The following GRIK2 variants were observed in gnomAD, a reference collection of about 807,000 sequenced individuals.
GRIK2 encodes the protein glutamate ionotropic receptor kainate type subunit 2, also known as glutamate receptor ionotropic, kainate 2.
Under a neutral mutation model 100.3 loss-of-function variants are expected in GRIK2, and 32 were observed. The ratio of observed to expected loss-of-function variants is 0.32; its 90% CI spans 0.24 to 0.43. The LOEUF is 0.43. Among genes scored for constraint, GRIK2 ranks in the 20% least tolerant of loss-of-function variants. The pLI is 1.00. For synonymous variants in GRIK2, 417 were observed against 389.4 expected (o/e 1.07, Z -0.83); for missense variants, 843 against 1,114.9 (o/e 0.76, Z 3.47).
At chr6:101,849,812 G>GTTTTTTT (rs1562437239) in intron 10 of GRIK2, among the ~76,000 whole-genome samples, 1 of 112,214 alleles carries the variant, frequency 8.9e-6, no homozygotes. Flanking sequence ...AAAAAAGGAG[G>GTTTTTTT]GTTTTTTTTT....
At chr6:101,961,941 T>C (rs1792330355) in intron 14 of GRIK2, among the ~76,000 whole-genome samples, 1 of 152,040 alleles carries the variant, frequency 6.6e-6, no homozygotes, top group Admixed American at 6.6e-5. Context: ...CTACCTCAGC[T>C]TGGGTCTTGA....
At chr6:101,598,325 A>T (rs1339833558) in intron 2 of GRIK2, among the ~76,000 whole-genome samples, 1 of 151,504 alleles carries the variant, frequency 6.6e-6, no homozygotes, top group Non-Finnish European at 1.5e-5. Flanking sequence ...CCTTTGTCTC[A>T]ACTCATCCTG....
rs73502672 is a variant in GRIK2, at chr6:101,441,598, C to T, written c.115+42206C>T. Among the ~76,000 whole-genome samples, 840 of 152,180 alleles carry T rather than the reference C, an allele frequency of 5.5e-3. 10 individuals are homozygous for T. Among genetic ancestry groups the T allele is most frequent in the African/African-American group, 0.019 (770 of 41,528 alleles). ...GATAGACTTTCAAGTCTGGAAAAAGCTTAATGAAGTTAGGAGTCTTTATGG... is the reference window on the plus strand; with the variant it reads ...GATAGACTTTCAAGTCTGGAAAAAGTTTAATGAAGTTAGGAGTCTTTATGG... On this transcript the variant is annotated intron_variant, in intron 2 of 16. Coordinates refer to ENST00000369134, the MANE Select transcript of GRIK2 (RefSeq NM_021956.5).
At chr6:101,595,655 CAT>C (rs145861587) in intron 2 of GRIK2, among the ~76,000 whole-genome samples, 2,506 of 149,464 alleles carry the variant, frequency 0.017, 36 homozygotes, top group Non-Finnish European at 0.026. Context: ...TATATAAACA[CAT>C]ATTTATATAC....
At chr6:101,539,871 C>A (rs946406198) in intron 2 of GRIK2, among the ~76,000 whole-genome samples, 3 of 151,686 alleles carry the variant, frequency 2.0e-5, no homozygotes, top group African/African-American at 7.3e-5. Flanking sequence ...TTAGAAGTTT[C>A]TTCTCATGCC....
intron 11 of GRIK2, among the ~76,000 whole-genome samples, chr6:101,879,285 CT>C (rs1159953627): frequency 3.9e-5 from 6 of 152,054 alleles, no homozygotes; most frequent in Non-Finnish European, 5.9e-5. Context: ...TTTCCCATTG[CT>C]GTTTTAATTC....
At chr6:101,996,949 T>C (rs1488989928) in intron 14 of GRIK2, among the ~76,000 whole-genome samples, 1 of 152,190 alleles carries the variant, frequency 6.6e-6, no homozygotes, top group Non-Finnish European at 1.5e-5. Flanking sequence ...TACTTTCAGT[T>C]ATGTTGTTAT....
intron 2 of GRIK2, among the ~76,000 whole-genome samples, chr6:101,442,384 C>T (rs1192779800): frequency 6.6e-6 from 1 of 152,098 alleles, no homozygotes; most frequent in African/African-American, 2.4e-5. Context: ...GGCTCCTTTC[C>T]CCCTGCAAAC....
chr6:101,541,633 T>C (rs2128288864), intron 2 of GRIK2, among the ~76,000 whole-genome samples: 1 of 152,190 alleles, frequency 6.6e-6, no homozygotes, highest in Middle Eastern at 3.4e-3. Context: ...TTTTGTGTAG[T>C]ACATATTTTG....
Position 101,995,146 on chromosome 6 carries a change from C to T in GRIK2, c.2086-40195C>T, listed in dbSNP as rs182818743. On this transcript the variant is annotated intron_variant, in intron 14 of 16. Transcript: ENST00000369134. The stretch of plus-strand genomic sequence containing the variant: ...ATGAACCCATGGTAGTTCCAAACTA[C>T]TCAGGTTTGACATGCCAGCCATCAC... Among the ~76,000 whole-genome samples, 9 of 152,028 alleles carry T rather than the reference C, an allele frequency of 5.9e-5. No individual in the cohort carries two copies. In the East Asian group the frequency reaches 1.7e-3, roughly 30 times the overall value.
chr6:101,742,801 G>GT (rs1222374445), intron 7 of GRIK2, among the ~76,000 whole-genome samples: 1 of 152,124 alleles, frequency 6.6e-6, no homozygotes, highest in Non-Finnish European at 1.5e-5. Flanking sequence ...GCTGTAAAAT[G>GT]TTTTTTATCA....
chr6:101,850,119 C>A (rs1159072225), intron 10 of GRIK2, among the ~76,000 whole-genome samples: 1 of 151,886 alleles, frequency 6.6e-6, no homozygotes, highest in African/African-American at 2.4e-5. Context: ...AAAAACGTAG[C>A]CTGTGAGAAC....
intron 2 of GRIK2, among the ~76,000 whole-genome samples, chr6:101,599,280 A>G (rs1342442009): frequency 2.0e-5 from 3 of 151,752 alleles, no homozygotes; most frequent in Non-Finnish European, 4.4e-5. Context: ...AGATTATTCC[A>G]TGATGTACCT....
intron 2 of GRIK2, among the ~76,000 whole-genome samples, chr6:101,442,751 A>G (rs537395943): frequency 2.0e-5 from 3 of 152,280 alleles, no homozygotes; most frequent in Admixed American, 6.5e-5. Flanking sequence ...AGCCGTAGCC[A>G]ATACATAAAT....
intron 12 of GRIK2, among the ~76,000 whole-genome samples, chr6:101,914,501 T>C (rs1030625887): frequency 6.6e-6 from 1 of 151,448 alleles, no homozygotes; most frequent in Non-Finnish European, 1.5e-5. Context: ...ATAGGCTAGC[T>C]GTATATTAGT....
chr6:101,839,126 C>T (rs568547752), intron 10 of GRIK2, among the ~76,000 whole-genome samples: 25 of 151,990 alleles, frequency 1.6e-4, no homozygotes, highest in Non-Finnish European at 2.6e-4. Context: ...TTGTACATAT[C>T]TGAATTTTGT....
chr6:101,906,935 G>A (rs925453048), intron 12 of GRIK2, among the ~76,000 whole-genome samples: 1 of 151,720 alleles, frequency 6.6e-6, no homozygotes, highest in Non-Finnish European at 1.5e-5. Context: ...TTGCACAGTT[G>A]TGAACTTTGT....
At chr6:101,853,701 G>A (rs1784266022) in intron 10 of GRIK2, among the ~76,000 whole-genome samples, 1 of 152,108 alleles carries the variant, frequency 6.6e-6, no homozygotes, top group Non-Finnish European at 1.5e-5. Flanking sequence ...TTTCTCCAGT[G>A]GGTGAGTGGA....
At chr6:101,769,685 G>C (rs1444258479) in intron 7 of GRIK2, among the ~76,000 whole-genome samples, 6 of 152,044 alleles carry the variant, frequency 3.9e-5, no homozygotes, top group Admixed American at 3.9e-4. Context: ...CAAATAACGA[G>C]GAAAGAATAT....
Sources: gnomAD v4.1 joint callset for allele counts (sites outside exome capture counted in the v4.1 genomes callset) on GRCh38, gnomAD v4.1.1 for gene constraint, MANE v1.5 for transcripts, NCBI Gene and HGNC (gene_info 2026-07-23, HGNC 2026-07-21) for gene names.